The following GSE1 variants were observed in gnomAD, a reference collection of about 807,000 sequenced individuals.
GSE1 encodes the protein genetic suppressor element 1.
A neutral mutation model predicts 112.6 loss-of-function variants in GSE1; 32 were observed. The ratio of observed to expected loss-of-function variants is 0.28; its 90% CI spans 0.21 to 0.38. GSE1 has a LOEUF of 0.38. Among genes scored for constraint, GSE1 ranks in the 10% least tolerant of loss-of-function variants. GSE1 has a pLI of 1.00. For synonymous variants in GSE1, 1,115 were observed against 735.6 expected (o/e 1.52, Z -8.35); for missense variants, 2,348 against 1,699.2 (o/e 1.38, Z -6.71).
chr16:85,212,541 T>C (rs2143668956), intron 1 of GSE1, among the ~76,000 whole-genome samples: 1 of 152,272 alleles, frequency 6.6e-6, no homozygotes, highest in East Asian at 1.9e-4. Context: ...TGTAAGGACA[T>C]GGGGAAGACA....
At chr16:85,317,285 G>C (rs1032632571) in intron 1 of GSE1, among the ~76,000 whole-genome samples, 2 of 152,160 alleles carry the variant, frequency 1.3e-5, no homozygotes, top group Non-Finnish European at 2.9e-5. Flanking sequence ...GTTGACAGCA[G>C]GCATGCATCC....
chr16:85,478,857 TTC>T lies in GSE1; in HGVS notation c.2464+121216_2464+121217del, dbSNP rs1244739793. 4.3e-3 allele frequency among the ~76,000 whole-genome samples: 94 copies of T among 21,830 alleles called. 4 individuals carry two copies. Among genetic ancestry groups the T allele is most frequent in the African/African-American group, 0.03 (88 of 2,898 alleles). 14.3% of individuals were successfully genotyped at this position (21,830 alleles called of 152,430 possible). A position where few individuals can be genotyped will look rare whatever the true frequency, so the allele number is the denominator to read the frequency against. On this transcript the variant is annotated intron_variant, in intron 2 of 2. Transcript: ENST00000637419. ...TCATTTATTTTCTTTCTTTCTTTCTTTCTTTCTTTCTTTCTTTCTTTCTTTCT... is the reference window on the plus strand; with the variant it reads ...TCATTTATTTTCTTTCTTTCTTTCTTTTTCTTTCTTTCTTTCTTTCTTTCT...
intron 2 of GSE1, among the ~76,000 whole-genome samples, chr16:85,521,862 C>T (rs1368144591): frequency 1.3e-5 from 2 of 152,240 alleles, no homozygotes; most frequent in South Asian, 2.1e-4. Context: ...GGTTCCCACA[C>T]GACTCTTGTA....
At position 85,634,147 on chromosome 16, in the gene GSE1, C is replaced by A; in HGVS notation, c.226+15C>A. 7.0e-7 allele frequency: 1 copy of A among 1,436,456 alleles called. No homozygotes were observed. Among genetic ancestry groups the A allele is most frequent in the Non-Finnish European group, 9.1e-7 (1 of 1,101,616 alleles). 89.0% of individuals were successfully genotyped at this position (1,436,456 alleles called of 1,614,324 possible). A position where few individuals can be genotyped will look rare whatever the true frequency, so the allele number is the denominator to read the frequency against. ...GGAGCCCAGAGGTAAGGGGGCCCGCCAGGCTGCGCGTGGGGGGAGCGGCGG... is the reference window on the plus strand; with the variant it reads ...GGAGCCCAGAGGTAAGGGGGCCCGCAAGGCTGCGCGTGGGGGGAGCGGCGG... On this transcript the variant is annotated intron_variant, in intron 2 of 15. Transcript: ENST00000253458.
chr16:85,400,585 C>T (rs532327171), intron 2 of GSE1, among the ~76,000 whole-genome samples: 1 of 146,848 alleles, frequency 6.8e-6, no homozygotes, highest in Admixed American at 6.8e-5. Context: ...GTGATGCATG[C>T]GTCTGTGTAT....
chr16:85,388,573 T>A (rs926110190), intron 2 of GSE1, among the ~76,000 whole-genome samples: 2 of 149,298 alleles, frequency 1.3e-5, no homozygotes, highest in African/African-American at 5.0e-5. Flanking sequence ...GGTAGATGGG[T>A]GAGTGGATGG....
chr16:85,463,616 G>GT (rs1166753592), intron 2 of GSE1, among the ~76,000 whole-genome samples: 1 of 152,170 alleles, frequency 6.6e-6, no homozygotes. Flanking sequence ...GGGGTGGGTT[G>GT]TGGGACTGGA....
In GSE1 at chr16:85,416,685, T is replaced by C. The variant is rs554325390; in HGVS notation, c.2464+59042T>C. ...CAGGTTTCCTTGCTAAGATTCTTCA[T>C]GGGAACCCAAGAGTCCCTGGCAAAA... On this transcript the variant is annotated intron_variant, in intron 2 of 2. Coordinates refer to the GSE1 transcript ENST00000637419. Among the ~76,000 whole-genome samples the C allele has an allele frequency of 3.9e-5, 6 of 152,374 alleles. No homozygotes were observed. In the South Asian group the frequency reaches 1.0e-3, roughly 26 times the overall value.
At chr16:85,613,118 GTGTT>G, upstream of GSE1, 1 of 1,089,066 alleles carries the variant, frequency 9.2e-7, no homozygotes, top group African/African-American at 1.7e-5. Flanking sequence ...GCGCGCCTGT[GTGTT>G]TGCGGCTGAA....
At chr16:85,415,142 G>A (rs1385671311) in intron 2 of GSE1, among the ~76,000 whole-genome samples, 6 of 152,288 alleles carry the variant, frequency 3.9e-5, no homozygotes, top group African/African-American at 1.4e-4. Context: ...GTCTCCCTAT[G>A]TTGCCCAGAC....
At chr16:85,670,133 C>G (rs2053210152) in intron 14 of GSE1, among the ~76,000 whole-genome samples, 1 of 152,220 alleles carries the variant, frequency 6.6e-6, no homozygotes, top group South Asian at 2.1e-4. Flanking sequence ...GATTTAGTTT[C>G]AGGTATCACA....
intron 2 of GSE1, among the ~76,000 whole-genome samples, chr16:85,497,098 C>T (rs780329266): frequency 3.9e-5 from 6 of 152,142 alleles, no homozygotes; most frequent in Non-Finnish European, 8.8e-5. Flanking sequence ...AGGGTTTCGC[C>T]ATGTTGGCCA....
Position 85,325,504 on chromosome 16 carries a change from T to C in GSE1, c.2284-31959T>C, listed in dbSNP as rs753167679. ...TTCACTTTTGTTGCCCAGGCTGGAG[T>C]GCAGTGACACGATCTCAGCTCACTG... On this transcript the variant is annotated intron_variant, in intron 1 of 2. Transcript: ENST00000637419. 1.1e-3 allele frequency among the ~76,000 whole-genome samples: 162 copies of C among 152,126 alleles called. 4 individuals are homozygous for C. The highest frequency in any genetic ancestry group is 3.7e-4 in the Non-Finnish European group (25 of 68,002).
At chr16:85,536,990 C>T (rs1181777183) in intron 2 of GSE1, among the ~76,000 whole-genome samples, 5 of 152,298 alleles carry the variant, frequency 3.3e-5, no homozygotes, top group African/African-American at 9.6e-5. Flanking sequence ...TTGAGCCTTC[C>T]GGCCAGCAGG....
chr16:85,554,910 G>A (rs1000155548), upstream of GSE1: 1 of 985,282 alleles, frequency 1.0e-6, no homozygotes, highest in African/African-American at 1.7e-5. Flanking sequence ...GAGCGAAGGG[G>A]AGCACCCTGC....
chr16:85,397,288 C>T (rs2047988684), intron 2 of GSE1, among the ~76,000 whole-genome samples: 1 of 152,218 alleles, frequency 6.6e-6, no homozygotes, highest in Middle Eastern at 3.2e-3. Context: ...GGCCCAGGGC[C>T]ACACAGCAGG....
chr16:85,294,386 C>G (rs1185867192), intron 1 of GSE1, among the ~76,000 whole-genome samples: 2 of 152,210 alleles, frequency 1.3e-5, no homozygotes, highest in Non-Finnish European at 2.9e-5. Context: ...CTCGTGCAGG[C>G]CCTGCTGGCC....
chr16:85,554,877 G>A, upstream of GSE1: 1 of 985,316 alleles, frequency 1.0e-6, no homozygotes, highest in African/African-American at 1.7e-5. Context: ...GCCGCCCACT[G>A]TTTGCAAACG....
chr16:85,446,995 G>A (rs551587052), intron 2 of GSE1, among the ~76,000 whole-genome samples: 48 of 152,192 alleles, frequency 3.2e-4, no homozygotes, highest in African/African-American at 1.1e-3. Flanking sequence ...CACAATGTCG[G>A]GTGCTCCATG....
Sources: gnomAD v4.1 joint callset for allele counts (sites outside exome capture counted in the v4.1 genomes callset) on GRCh38, gnomAD v4.1.1 for gene constraint, MANE v1.5 for transcripts, NCBI Gene and HGNC (gene_info 2026-07-23, HGNC 2026-07-21) for gene names.